CACNA1B: variants seen among roughly 807,000 people sequenced by gnomAD.
CACNA1B encodes the protein voltage-dependent N-type calcium channel subunit alpha-1B.
CACNA1B carries 70 observed loss-of-function variants against 247.2 expected under a neutral mutation model. The ratio of observed to expected loss-of-function variants is 0.28; its 90% CI spans 0.23 to 0.35. The LOEUF is 0.35. Among genes scored for constraint, CACNA1B ranks in the 10% least tolerant of loss-of-function variants. The pLI, the probability that CACNA1B is intolerant of heterozygous loss-of-function variation, is 1.00. For synonymous variants in CACNA1B, 1,231 were observed against 1,294.4 expected (o/e 0.95, Z 1.05); for missense variants, 2,367 against 3,197.4 (o/e 0.74, Z 6.26).
intron 3 of CACNA1B, among the ~76,000 whole-genome samples, chr9:137,905,997 T>C (rs1379248387): frequency 6.6e-6 from 1 of 152,208 alleles, no homozygotes; most frequent in Admixed American, 6.5e-5. Flanking sequence ...TAGTGGACTA[T>C]GGCAAGGGCC....
chr9:137,939,798 G>A (rs566360144), intron 6 of CACNA1B, among the ~76,000 whole-genome samples: 16 of 143,334 alleles, frequency 1.1e-4, no homozygotes, highest in South Asian at 4.4e-4. Flanking sequence ...GCAAGACTCC[G>A]TCTCAAAATA....
chr9:138,053,528 C>T (rs1959370488), intron 25 of CACNA1B, among the ~76,000 whole-genome samples: 2 of 152,140 alleles, frequency 1.3e-5, no homozygotes, highest in African/African-American at 4.8e-5. Flanking sequence ...CCTTCACATC[C>T]TTTCCTGCTT....
At chr9:138,009,937 G>C in intron 16 of CACNA1B, 73 bp from the exon 17 acceptor site, 1 of 1,205,826 alleles carries the variant, frequency 8.3e-7, no homozygotes, top group South Asian at 1.3e-5. Flanking sequence ...GGGATCTGGG[G>C]AGATGGGGGA....
In CACNA1B at chr9:137,914,269, T is replaced by A. The variant is rs1957387822; in HGVS notation, c.623-385T>A. 6.6e-6 allele frequency among the ~76,000 whole-genome samples: 1 copy of A among 152,132 alleles called. No homozygotes were observed. The highest frequency in any genetic ancestry group is 2.1e-4 in the South Asian group (1 of 4,834). ...TGTTCTTTCCTCTCAGGATGTCCTC[T>A]GACTTGGCTCTTCCTTCTCAGGATT... is the stretch of plus-strand genomic sequence containing the variant. On this transcript the variant is annotated intron_variant, in intron 4 of 46. Transcript: ENST00000371372. This position sits in a 1 kb window ranked among gnomAD's most constrained non-coding sequence, Gnocchi z 4.3.
At chr9:138,022,961 C>A (rs1234138711) in intron 18 of CACNA1B, 50 bp from the exon 19 acceptor site, 1 of 1,448,028 alleles carries the variant, frequency 6.9e-7, no homozygotes, top group Non-Finnish European at 9.0e-7. Flanking sequence ...CCCTGGAGAG[C>A]GGCGGGCGGG....
chr9:138,037,104 A>G (rs978452347), intron 20 of CACNA1B, among the ~76,000 whole-genome samples: 27 of 152,200 alleles, frequency 1.8e-4, no homozygotes, highest in Non-Finnish European at 7.3e-5. Context: ...GTTGGGGAGA[A>G]CATATGGTTT....
chr9:138,078,266 C>T lies in CACNA1B; in HGVS notation c.5094+8C>T. The T allele has an allele frequency of 1.2e-6, 2 of 1,613,772 alleles. No homozygotes were observed. The highest frequency in any genetic ancestry group is 2.2e-5 in the South Asian group (2 of 91,054). On this transcript the variant is annotated splice_region_variant and intron_variant, in intron 36 of 46. Coordinates refer to ENST00000371372, the MANE Select transcript of CACNA1B (RefSeq NM_000718.4). ...TTCCTGTGCTCCTTTCTGGTGAGTC[C>T]TGGGCACTGTGCCCCTCCCAGTGCC...
At chr9:138,048,649 C>T (rs1203237408) in intron 23 of CACNA1B, among the ~76,000 whole-genome samples, 1 of 152,204 alleles carries the variant, frequency 6.6e-6, no homozygotes, top group Non-Finnish European at 1.5e-5. Context: ...CCATGGGGAC[C>T]TAGAGCTATA....
chr9:138,044,074 G>A (rs557258530), intron 21 of CACNA1B, among the ~76,000 whole-genome samples, 174 bp downstream of exon 21: 2 of 152,358 alleles, frequency 1.3e-5, no homozygotes, highest in South Asian at 4.1e-4. Flanking sequence ...CTGCAGAAGA[G>A]GACACGGGCA....
At position 138,111,495 on chromosome 9, in the gene CACNA1B, C is replaced by T. The variant is rs112660438; in HGVS notation, c.5429-903C>T. ...GTGGTGGCAGAGGCTGCCAGTAGGA[C>T]GAGGGGTCGACTCAAGGGAGCACAG... On this transcript the variant is annotated intron_variant, in intron 39 of 46. Coordinates refer to ENST00000371372, the MANE Select transcript of CACNA1B (RefSeq NM_000718.4). Among the ~76,000 whole-genome samples the T allele has an allele frequency of 3.1e-3, 466 of 152,016 alleles. 17 individuals are homozygous for T. In the South Asian group the frequency reaches 0.086, roughly 28 times the overall value.
At chr9:137,967,464 C>CA (rs1958093571) in intron 10 of CACNA1B, among the ~76,000 whole-genome samples, 1 of 152,196 alleles carries the variant, frequency 6.6e-6, no homozygotes, top group South Asian at 2.1e-4. Context: ...CTCTCAGAGC[C>CA]CTAACCTCAG....
intron 15 of CACNA1B, among the ~76,000 whole-genome samples, chr9:137,988,481 A>G (rs1257071434): frequency 1.3e-5 from 2 of 152,162 alleles, no homozygotes; most frequent in African/African-American, 4.8e-5. Flanking sequence ...GAGGGAGAGA[A>G]GTTGAAGTTG....
chr9:138,103,284 C>T (rs1385684020), intron 38 of CACNA1B, among the ~76,000 whole-genome samples: 1 of 152,198 alleles, frequency 6.6e-6, no homozygotes, highest in Non-Finnish European at 1.5e-5. Context: ...TGCTTCTGTA[C>T]AACCCCCTCC....
chr9:138,071,715 C>T (rs1383064997), intron 32 of CACNA1B, among the ~76,000 whole-genome samples: 2 of 152,160 alleles, frequency 1.3e-5, no homozygotes, highest in Admixed American at 6.5e-5. Flanking sequence ...ACGCACCTCT[C>T]GCCTGCCCTG....
chr9:138,045,893 G>A (rs1242177647), intron 21 of CACNA1B, among the ~76,000 whole-genome samples: 1 of 152,196 alleles, frequency 6.6e-6, no homozygotes, highest in Non-Finnish European at 1.5e-5. Flanking sequence ...GGCCCTTGGG[G>A]GTTCGCAGGT....
chr9:138,025,928 G>C (rs1279541758), intron 20 of CACNA1B, among the ~76,000 whole-genome samples: 1 of 152,214 alleles, frequency 6.6e-6, no homozygotes, highest in African/African-American at 2.4e-5. Flanking sequence ...AGAGGCCATA[G>C]AAACAGGACT....
chr9:138,110,006 A>G (rs1961566903), intron 39 of CACNA1B, among the ~76,000 whole-genome samples: 1 of 152,092 alleles, frequency 6.6e-6, no homozygotes, highest in Non-Finnish European at 1.5e-5. Context: ...GTGAGCCAAG[A>G]TAGTGCCACT....
In CACNA1B at chr9:137,955,634, TG is replaced by T; in HGVS notation, c.1071-60del. ...GGCTTTCCCTGGTCCTTTTTGTCTC[TG>T]GGGCTGCACACCTGTGGGGCTTGCA... is the stretch of plus-strand genomic sequence containing the variant. On this transcript the variant is annotated intron_variant, in intron 7 of 46. Coordinates refer to ENST00000371372, the MANE Select transcript of CACNA1B (RefSeq NM_000718.4). The surrounding 1 kb of genome is among the most constrained non-coding windows in gnomAD (Gnocchi z 6.9). 3 of 1,086,476 alleles carry T rather than the reference TG, an allele frequency of 2.8e-6. No homozygotes were observed. The highest frequency in any genetic ancestry group is 1.4e-5 in the South Asian group (1 of 73,074). 67.3% of individuals were successfully genotyped at this position (1,086,476 alleles called of 1,614,324 possible).
At chr9:138,111,128 A>G (rs891961575) in intron 39 of CACNA1B, among the ~76,000 whole-genome samples, 2 of 152,186 alleles carry the variant, frequency 1.3e-5, no homozygotes, top group African/African-American at 4.8e-5. Context: ...AGCCCCTTAG[A>G]CAGTTTGCCG....
Sources: gnomAD v4.1 joint callset for allele counts (sites outside exome capture counted in the v4.1 genomes callset) on GRCh38, gnomAD v4.1.1 for gene constraint, Gnocchi (gnomAD v3.1) non-coding constraint, MANE v1.5 for transcripts, NCBI Gene and HGNC (gene_info 2026-07-23, HGNC 2026-07-21) for gene names.